Variants in FOXM1 observed in about 807,000 individuals in gnomAD.
The protein encoded by FOXM1 is forkhead box M1.
FOXM1 carries 25 observed loss-of-function variants against 63.6 expected under a neutral mutation model. The ratio of observed to expected loss-of-function variants is 0.39; its 90% CI spans 0.29 to 0.55. FOXM1 has a LOEUF of 0.55. Among genes scored for constraint, FOXM1 ranks in the 20% least tolerant of loss-of-function variants. The pLI, the probability that FOXM1 is intolerant of heterozygous loss-of-function variation, is 0.60. For synonymous variants in FOXM1, 387 were observed against 376.9 expected (o/e 1.03, Z -0.31); for missense variants, 879 against 958.7 (o/e 0.92, Z 1.10).
intron 3 of FOXM1, among the ~76,000 whole-genome samples, chr12:2,869,436 ATTTTTTT>A (rs57569983): frequency 1.5e-5 from 2 of 134,562 alleles, no homozygotes; most frequent in East Asian, 4.3e-4. Context: ...CGCCCAGCTA[ATTTTTTT>A]TTTTTTTTTG....
intron 6 of FOXM1, 147 bp downstream of exon 6, chr12:2,865,208 G>T (rs1211936276): frequency 4.3e-6 from 3 of 701,040 alleles, no homozygotes; most frequent in African/African-American, 1.8e-5. Flanking sequence ...GACCCTCAGG[G>T]TGTTCTGTGT....
intron 4 of FOXM1, among the ~76,000 whole-genome samples, chr12:2,867,442 A>G (rs2098125221): frequency 6.6e-6 from 1 of 152,128 alleles, no homozygotes; most frequent in Admixed American, 6.6e-5. Context: ...CCCTGTCTCA[A>G]AAAACAAACA....
At position 2,859,215 on chromosome 12, in the gene FOXM1, G is replaced by A. The variant is rs1431933082; in HGVS notation, c.1715C>T (p.Ala572Val). Reference sequence around the variant, plus strand: ...GTCTGCTGGGAACGGGAGCTCTGCGGCCCAGCGGGAAGTACTGGGCCCCTC... The same window carrying A: ...GTCTGCTGGGAACGGGAGCTCTGCGACCCAGCGGGAAGTACTGGGCCCCTC... ...FSEGPSTSRW[A>V]AELPFPADSS... Residue 572 changes from alanine (A) to valine (V), a missense_variant, in exon 9 of 9, where the codon GCC (alanine) becomes GTC (valine). Physicochemically the swap from Ala to Val is moderately conservative, Grantham distance 64. Around this residue, in one of 4 missense-constraint regions of FOXM1, gnomAD observed 486 missense variants for 453.5 expected, o/e 1.07. Coordinates refer to ENST00000359843, the MANE Select transcript of FOXM1 (RefSeq NM_021953.4). 2 of 1,612,674 alleles carry A rather than the reference G, an allele frequency of 1.2e-6. No individual in the cohort carries two copies.
intron 5 of FOXM1, 37 bp from the exon 6 acceptor site, chr12:2,865,436 T>G: frequency 5.7e-6 from 9 of 1,569,896 alleles, no homozygotes; most frequent in Non-Finnish European, 7.0e-6. Context: ...AGAAATGAGA[T>G]GAAGTTACCA....
intron 3 of FOXM1, among the ~76,000 whole-genome samples, chr12:2,871,673 G>A (rs140772443): frequency 1.4e-4 from 22 of 151,784 alleles, no homozygotes; most frequent in Admixed American, 1.3e-4. Flanking sequence ...ATATATATAC[G>A]TGTATATATA....
Position 2,868,667 on chromosome 12 carries a change from C to T in FOXM1, c.742G>A (p.Ala248Thr). The change falls in exon 4 of 9, where the codon GCC becomes ACC. Residue 248 changes from alanine to threonine, a missense_variant. By Grantham distance (58) the Ala-to-Thr change is moderately conservative (BLOSUM62 0). Coordinates refer to ENST00000359843, the MANE Select transcript of FOXM1 (RefSeq NM_021953.4). ...PYSYMAMIQF[A>T]INSTERKRMT... Reference sequence around the variant, plus strand: ...CGCTTCCTCTCAGTGCTGTTGATGGCGAATTGTATCATGGCCATGTAAGAG... The same window carrying T: ...CGCTTCCTCTCAGTGCTGTTGATGGTGAATTGTATCATGGCCATGTAAGAG... 6.2e-7 allele frequency: 1 copy of T among 1,613,792 alleles called. No individual in the cohort carries two copies. Among genetic ancestry groups the T allele is most frequent in the Non-Finnish European group, 8.5e-7 (1 of 1,179,878 alleles).
At chr12:2,861,456 A>T (rs771881263) in intron 8 of FOXM1, 15 of 566,800 alleles carry the variant, frequency 2.6e-5, no homozygotes, top group South Asian at 1.7e-4. Context: ...AAAACATTTT[A>T]AAAAATTAAG....
Position 2,872,083 on chromosome 12 carries a change from CG to C in FOXM1, c.654+12del. On this transcript the variant is annotated intron_variant, in intron 3 of 8. Transcript: ENST00000359843. The surrounding 1 kb of genome is among the most constrained non-coding windows in gnomAD (Gnocchi z 4.0). ...TGGATCTGATTTCTTTAGTGAGGGACGGAACAATTCACCTTAACCTGTCGCT... is the reference window on the plus strand; with the variant it reads ...TGGATCTGATTTCTTTAGTGAGGGACGAACAATTCACCTTAACCTGTCGCT... The C allele has an allele frequency of 6.2e-7, 1 of 1,613,964 alleles. No individual in the cohort carries two copies. Among genetic ancestry groups the C allele is most frequent in the Non-Finnish European group, 8.5e-7 (1 of 1,179,846 alleles).
chr12:2,861,232 A>G (rs2098112222), intron 8 of FOXM1: 3 of 677,048 alleles, frequency 4.4e-6, no homozygotes, highest in Non-Finnish European at 7.8e-6. Context: ...GGCAATGTTC[A>G]TAAATAACCA....
chr12:2,858,605 G>A lies in FOXM1; in HGVS notation c.*33C>T. ...TGAGCCTTGGAGTGCCCGGGATGGTGGACAGCTTGAGCACAGGGGCAAGGG... is the reference window on the plus strand; with the variant it reads ...TGAGCCTTGGAGTGCCCGGGATGGTAGACAGCTTGAGCACAGGGGCAAGGG... On this transcript the variant is annotated 3_prime_UTR_variant, in exon 9 of 9. Coordinates refer to ENST00000359843, the MANE Select transcript of FOXM1 (RefSeq NM_021953.4). The A allele has an allele frequency of 3.1e-6, 5 of 1,588,434 alleles. No individual in the cohort carries two copies. The highest frequency in any genetic ancestry group is 2.6e-6 in the Non-Finnish European group (3 of 1,164,080).
intron 3 of FOXM1, among the ~76,000 whole-genome samples, chr12:2,871,661 A>AT (rs1382135605): frequency 1.3e-5 from 2 of 150,126 alleles, no homozygotes; most frequent in East Asian, 1.9e-4. Flanking sequence ...TAAAAAAAAA[A>AT]AATATATATA....
rs1483792437 is a variant in FOXM1, at chr12:2,864,075, T to C, written c.1266+245A>G. ...AATAATCCTAGCCCATCTATCACAA[T>C]CACTTTTGTCTGAATTCTTACAAGC... On this transcript the variant is annotated intron_variant, in intron 8 of 8. Coordinates refer to ENST00000359843, the MANE Select transcript of FOXM1 (RefSeq NM_021953.4). This position sits in a 1 kb window ranked among gnomAD's most constrained non-coding sequence, Gnocchi z 5.1. The C allele has an allele frequency of 2.2e-6, 1 of 459,314 alleles. No individual in the cohort carries two copies. The allele number at this position is 459,314 out of a possible 1,614,324, so 28.5% of individuals were successfully genotyped here.
chr12:2,873,838 A>G (rs1180520449), intron 2 of FOXM1, 139 bp downstream of exon 2: 6 of 976,332 alleles, frequency 6.1e-6, no homozygotes, highest in Non-Finnish European at 7.5e-6. Flanking sequence ...TCAGCCTCCC[A>G]AAGTGCTGGG....
At chr12:2,868,353 T>C (rs1328465027) in intron 4 of FOXM1, 1 of 436,660 alleles carries the variant, frequency 2.3e-6, no homozygotes, top group Non-Finnish European at 4.0e-6. Flanking sequence ...CCATGGACTT[T>C]AGGTAGTAAC....
intron 3 of FOXM1, among the ~76,000 whole-genome samples, chr12:2,870,878 G>GA: frequency 6.9e-6 from 1 of 145,422 alleles, no homozygotes; most frequent in East Asian, 2.1e-4. Flanking sequence ...AGAATCACTT[G>GA]ACCTGGGAGG....
At chr12:2,868,839 C>T in intron 3 of FOXM1, 85 bp from the exon 4 acceptor site, 1 of 1,075,436 alleles carries the variant, frequency 9.3e-7, no homozygotes, top group South Asian at 1.5e-5. Context: ...TCTAGAGAAA[C>T]CTTTATCCCA....
At chr12:2,871,537 A>G (rs183663943) in intron 3 of FOXM1, among the ~76,000 whole-genome samples, 1 of 152,226 alleles carries the variant, frequency 6.6e-6, no homozygotes, top group Non-Finnish European at 1.5e-5. Flanking sequence ...GGCAAGTCCC[A>G]GCTACTTGGA....
At chr12:2,871,225 T>G (rs559349703) in intron 3 of FOXM1, among the ~76,000 whole-genome samples, 2 of 151,794 alleles carry the variant, frequency 1.3e-5, no homozygotes, top group Admixed American at 6.6e-5. Flanking sequence ...AAAAAGAAAA[T>G]AAAGGTTGAA....
intron 3 of FOXM1, among the ~76,000 whole-genome samples, chr12:2,871,186 C>T (rs1742474025): frequency 6.6e-6 from 1 of 151,730 alleles, no homozygotes; most frequent in South Asian, 2.1e-4. Flanking sequence ...GCACATGTAC[C>T]CCCTGAACCT....
Sources: allele counts gnomAD v4.1 joint callset (sites outside exome capture counted in the v4.1 genomes callset), GRCh38; gene constraint gnomAD v4.1.1; regional missense constraint gnomAD v4.1.1; non-coding constraint Gnocchi (gnomAD v3.1); transcripts MANE v1.5; gene names NCBI Gene and HGNC (gene_info 2026-07-23, HGNC 2026-07-21).